HIP1: variants seen among roughly 807,000 people sequenced by gnomAD.
HIP1 encodes the protein huntingtin-interacting protein 1.
A neutral mutation model predicts 147.6 loss-of-function variants in HIP1; 65 were observed. That is an observed-to-expected ratio of 0.44 (90% CI 0.36 to 0.54). HIP1 has a LOEUF of 0.54. Ranked by LOEUF, HIP1 falls within the 20% of genes least tolerant of loss-of-function variation. The probability of loss-of-function intolerance (pLI) is 0.00; values close to 1 mark genes in which losing one functional copy is unlikely to be tolerated. For synonymous variants in HIP1, 479 were observed against 504.0 expected (o/e 0.95, Z 0.67); for missense variants, 1,061 against 1,299.6 (o/e 0.82, Z 2.82).
intron 1 of HIP1, among the ~76,000 whole-genome samples, chr7:75,682,639 C>T (rs1800129677): frequency 6.6e-6 from 1 of 151,660 alleles, no homozygotes; most frequent in African/African-American, 2.4e-5. Flanking sequence ...ATTAATACTC[C>T]CATTTCCCAG....
chr7:75,674,515 CAG>C (rs1799831831), intron 1 of HIP1, among the ~76,000 whole-genome samples: 1 of 51,384 alleles, frequency 1.9e-5, no homozygotes, highest in Non-Finnish European at 4.0e-5. Context: ...TTTTTTGAGA[CAG>C]AGTCTCACTC....
intron 1 of HIP1, among the ~76,000 whole-genome samples, chr7:75,691,244 T>C (rs1258223453): frequency 6.6e-6 from 1 of 151,198 alleles, no homozygotes; most frequent in Non-Finnish European, 1.5e-5. Context: ...ATCCCAGCAC[T>C]CTGGGAGGCC....
intron 1 of HIP1, among the ~76,000 whole-genome samples, chr7:75,724,657 G>GC (rs1801599269): frequency 6.6e-6 from 1 of 152,188 alleles, no homozygotes; most frequent in African/African-American, 2.4e-5. Flanking sequence ...CTGGGATAAA[G>GC]CCCTCTGCTA....
At chr7:75,561,157 T>G (rs1204195660) in intron 13 of HIP1, among the ~76,000 whole-genome samples, 172 bp downstream of exon 13, 1 of 152,136 alleles carries the variant, frequency 6.6e-6, no homozygotes, top group Non-Finnish European at 1.5e-5. Context: ...TTTCACCCTG[T>G]TGCCCAGGCT....
intron 1 of HIP1, among the ~76,000 whole-genome samples, chr7:75,716,063 C>T (rs1043212522): frequency 1.7e-4 from 26 of 152,052 alleles, no homozygotes; most frequent in Non-Finnish European, 7.4e-5. Flanking sequence ...GATCCGCCCC[C>T]GTGACCCAAA....
At chr7:75,669,085 G>T (rs1385459368) in intron 1 of HIP1, among the ~76,000 whole-genome samples, 5 of 152,126 alleles carry the variant, frequency 3.3e-5, no homozygotes, top group Non-Finnish European at 7.4e-5. Context: ...AAAAAAACAG[G>T]CCGGGTGTGG....
At chr7:75,684,400 A>G (rs1554517322) in intron 1 of HIP1, among the ~76,000 whole-genome samples, 1 of 141,330 alleles carries the variant, frequency 7.1e-6, no homozygotes, top group East Asian at 2.3e-4. Flanking sequence ...GTAAGCCGAG[A>G]TTGCATCACT....
chr7:75,691,348 G>C (rs572403532), intron 1 of HIP1, among the ~76,000 whole-genome samples: 3 of 151,932 alleles, frequency 2.0e-5, no homozygotes, highest in African/African-American at 7.3e-5. Context: ...AAAATTAGCC[G>C]GGCATGGTGG....
At chr7:75,617,156 C>G (rs1554506236) in intron 1 of HIP1, among the ~76,000 whole-genome samples, 1 of 150,116 alleles carries the variant, frequency 6.7e-6, no homozygotes, top group African/African-American at 2.4e-5. Context: ...CTCACTGCAA[C>G]CTCCGCCTCC....
intron 1 of HIP1, among the ~76,000 whole-genome samples, chr7:75,664,415 CAT>C (rs1293087658): frequency 4.3e-5 from 6 of 138,762 alleles, no homozygotes; most frequent in African/African-American, 8.6e-5. Flanking sequence ...TATACACATA[CAT>C]ATGTGTGTGT....
chr7:75,574,823 G>A (rs1469445799), intron 7 of HIP1, among the ~76,000 whole-genome samples: 1 of 152,068 alleles, frequency 6.6e-6, no homozygotes, highest in Non-Finnish European at 1.5e-5. Flanking sequence ...TACCATGGCG[G>A]ACATGGAGGA....
intron 5 of HIP1, among the ~76,000 whole-genome samples, chr7:75,584,996 G>A (rs192689032): frequency 3.3e-5 from 5 of 151,340 alleles, no homozygotes; most frequent in South Asian, 2.1e-4. Flanking sequence ...TTACAGGTGC[G>A]TGTCACCACG....
Position 75,738,845 on chromosome 7 carries a change from C to T in HIP1, c.76G>A (p.Ala26Thr). 1 of 1,592,088 alleles carries T rather than the reference C, an allele frequency of 6.3e-7. No individual in the cohort carries two copies. Among genetic ancestry groups the T allele is most frequent in the South Asian group, 1.1e-5 (1 of 87,776 alleles). Residue 26 changes from alanine (A) to threonine (T), a missense_variant, in exon 1 of 31, where the codon GCT (alanine) becomes ACT (threonine). By Grantham distance (58) the Ala-to-Thr change is moderately conservative. Coordinates refer to ENST00000336926, the MANE Select transcript of HIP1 (RefSeq NM_005338.7). ...PKVLSRRGVGAGLEAAERESF... is the reference protein window; with the variant it reads ...PKVLSRRGVGTGLEAAERESF... The stretch of plus-strand genomic sequence containing the variant: ...TCGCGCTCCGCCGCCTCCAGCCCAG[C>T]GCCGACCCCGCGCCGGCTCAGCACC...
At chr7:75,563,367 C>T in intron 9 of HIP1, 104 bp from the exon 10 acceptor site, 2 of 899,188 alleles carry the variant, frequency 2.2e-6, no homozygotes, top group Non-Finnish European at 3.6e-6. Context: ...AGCCCAAAGG[C>T]ACAGGCTGTC....
intron 1 of HIP1, among the ~76,000 whole-genome samples, chr7:75,624,923 G>A (rs1202711949): frequency 2.0e-5 from 3 of 148,348 alleles, no homozygotes; most frequent in Admixed American, 2.0e-4. Flanking sequence ...GTACATAGGT[G>A]TATTTTTGTT....
At chr7:75,556,891 G>C in intron 16 of HIP1, 80 bp from the exon 17 acceptor site, 6 of 866,684 alleles carry the variant, frequency 6.9e-6, no homozygotes, top group Non-Finnish European at 1.1e-5. Context: ...CGTCCCAAGC[G>C]ATCAACAAGA....
intron 1 of HIP1, among the ~76,000 whole-genome samples, chr7:75,681,291 G>A (rs139004325): frequency 3.2e-4 from 48 of 152,000 alleles, no homozygotes; most frequent in African/African-American, 1.0e-3. Context: ...CCCTGCAGGC[G>A]CTCTGCACTG....
intron 8 of HIP1, among the ~76,000 whole-genome samples, chr7:75,572,764 G>T (rs1795692403): frequency 6.6e-6 from 1 of 152,200 alleles, no homozygotes; most frequent in African/African-American, 2.4e-5. Flanking sequence ...AGGTGCAGCT[G>T]CAGCCACCCA....
intron 1 of HIP1, among the ~76,000 whole-genome samples, chr7:75,615,391 C>T (rs1797618765): frequency 6.6e-6 from 1 of 151,850 alleles, no homozygotes; most frequent in African/African-American, 2.4e-5. Flanking sequence ...CCCATCTCTA[C>T]AAAAAATGAA....
Sources: allele counts gnomAD v4.1 joint callset (sites outside exome capture counted in the v4.1 genomes callset), GRCh38; gene constraint gnomAD v4.1.1; transcripts MANE v1.5; gene names NCBI Gene and HGNC (gene_info 2026-07-23, HGNC 2026-07-21).